The following SUGCT variants were observed in gnomAD, a reference collection of about 807,000 sequenced individuals.
SUGCT encodes succinyl-CoA:glutarate-CoA transferase, also known as succinyl-CoA:glutarate CoA-transferase.
A neutral mutation model predicts 55.0 loss-of-function variants in SUGCT; 41 were observed. That is an observed-to-expected ratio of 0.74 (90% confidence interval 0.58 to 0.97). The LOEUF (loss-of-function observed/expected upper bound fraction) is 0.97. Among genes scored for constraint, SUGCT ranks in the 50% least tolerant of loss-of-function variants. The pLI, the probability that SUGCT is intolerant of heterozygous loss-of-function variation, is 0.00. For missense variants in SUGCT, 568 were observed against 547.8 expected (o/e 1.04, Z -0.37); for synonymous variants, 187 against 200.4 (o/e 0.93, Z 0.56).
At chr7:40,249,344 T>TATATATATATATAAAA (rs1172651937) in intron 7 of SUGCT, among the ~76,000 whole-genome samples, 67 of 128,080 alleles carry the variant, frequency 5.2e-4, no homozygotes, top group African/African-American at 2.0e-3. Flanking sequence ...TATATATATA[T>TATATATATATATAAAA]ATAATTATAT....
At chr7:40,442,266 G>C (rs1245000434) in intron 9 of SUGCT, among the ~76,000 whole-genome samples, 1 of 152,100 alleles carries the variant, frequency 6.6e-6, no homozygotes, top group Non-Finnish European at 1.5e-5. Flanking sequence ...AGCAAGGAGG[G>C]CTCTTGGAAG....
At chr7:40,807,600 C>G (rs1791173275) in intron 13 of SUGCT, among the ~76,000 whole-genome samples, 1 of 152,160 alleles carries the variant, frequency 6.6e-6, no homozygotes, top group Non-Finnish European at 1.5e-5. Context: ...GGCTCAGAAC[C>G]ATGATGAGGC....
chr7:40,948,856 G>C, the SUGCT span, among the ~76,000 whole-genome samples: 1 of 152,098 alleles, frequency 6.6e-6, no homozygotes, highest in Non-Finnish European at 1.5e-5. Flanking sequence ...GTCTGTCATT[G>C]ATGGACATTT....
intron 9 of SUGCT, among the ~76,000 whole-genome samples, chr7:40,417,517 C>T (rs938037997): frequency 2.6e-5 from 4 of 151,704 alleles, no homozygotes; most frequent in African/African-American, 9.7e-5. Context: ...TTTTTGTGAA[C>T]ATTTTATTGT....
At chr7:40,227,465 A>G (rs1234639855) in intron 6 of SUGCT, among the ~76,000 whole-genome samples, 2 of 152,098 alleles carry the variant, frequency 1.3e-5, no homozygotes, top group Non-Finnish European at 2.9e-5. Context: ...CTTGGGTTCA[A>G]GAAATCCCCT....
chr7:40,151,553 C>T (rs143593827), intron 1 of SUGCT: 1 of 215,496 alleles, frequency 4.6e-6, no homozygotes, highest in Non-Finnish European at 1.0e-5. Context: ...GATCTCTCCT[C>T]ATGGCCATCC....
chr7:40,519,349 T>A (rs538396047), intron 12 of SUGCT, among the ~76,000 whole-genome samples: 15 of 152,198 alleles, frequency 9.9e-5, no homozygotes, highest in Admixed American at 2.0e-4. Context: ...TTTGCCAATA[T>A]GAGTTTCTTA....
At chr7:40,751,942 A>G (rs969450720) in intron 13 of SUGCT, among the ~76,000 whole-genome samples, 3 of 152,232 alleles carry the variant, frequency 2.0e-5, no homozygotes, top group Admixed American at 2.0e-4. Flanking sequence ...AAATCTCAGC[A>G]GGAGGGAAGT....
intron 9 of SUGCT, among the ~76,000 whole-genome samples, chr7:40,324,708 T>C (rs1281199354): frequency 6.6e-6 from 1 of 152,206 alleles, no homozygotes. Context: ...CTCTACTGTC[T>C]ATTCTATGAT....
chr7:40,923,563 G>C, the SUGCT span, among the ~76,000 whole-genome samples: 7 of 152,046 alleles, frequency 4.6e-5, no homozygotes, highest in African/African-American at 1.7e-4. Flanking sequence ...AGAATTTCTG[G>C]CTTGAGAATA....
intron 13 of SUGCT, among the ~76,000 whole-genome samples, chr7:40,818,021 A>G (rs2128763866): frequency 6.6e-6 from 1 of 152,356 alleles, no homozygotes; most frequent in African/African-American, 2.4e-5. Context: ...CTATACACTC[A>G]GAAAATGAAG....
At chr7:40,425,244 G>A (rs1354846028) in intron 9 of SUGCT, among the ~76,000 whole-genome samples, 2 of 152,124 alleles carry the variant, frequency 1.3e-5, no homozygotes, top group Middle Eastern at 6.8e-3. Context: ...ATGTCTCTAA[G>A]TGCATGTAAA....
At chr7:40,385,711 G>C (rs1785086069) in intron 9 of SUGCT, among the ~76,000 whole-genome samples, 1 of 53,608 alleles carries the variant, frequency 1.9e-5, no homozygotes, top group South Asian at 1.3e-3. Flanking sequence ...GTGGTACATA[G>C]ATGTGTTTCA....
intron 7 of SUGCT, among the ~76,000 whole-genome samples, chr7:40,264,041 G>A (rs1791395705): frequency 6.6e-6 from 1 of 152,064 alleles, no homozygotes; most frequent in Non-Finnish European, 1.5e-5. Flanking sequence ...TTCTCTTGCT[G>A]GGATTGTTCA....
chr7:40,488,447 AGTT>A (rs1460512423), intron 11 of SUGCT, among the ~76,000 whole-genome samples: 3 of 152,074 alleles, frequency 2.0e-5, no homozygotes, highest in African/African-American at 7.2e-5. Context: ...GAATTATCAT[AGTT>A]GTTATTGTTT....
rs571464906 is a variant in SUGCT, at chr7:40,629,664, A to G, written c.1090-119770A>G. ...ATTTATTTGAGAAGGGGCCAGGGAA[A>G]GTTATTGTTCAGAATTAGTGATGAG... On this transcript the variant is annotated intron_variant, in intron 12 of 13. Coordinates refer to ENST00000335693, the MANE Select transcript of SUGCT (RefSeq NM_001193313.2). 1.1e-4 allele frequency among the ~76,000 whole-genome samples: 16 copies of G among 152,246 alleles called. 1 individual carries two copies. In the South Asian group the frequency reaches 3.3e-3, roughly 32 times the overall value.
At chr7:40,789,604 A>T (rs1461387640) in intron 13 of SUGCT, among the ~76,000 whole-genome samples, 1 of 152,102 alleles carries the variant, frequency 6.6e-6, no homozygotes, top group East Asian at 1.9e-4. Context: ...ATGTCTTTTG[A>T]GATCTTGATT....
At chr7:40,980,727 C>T in the SUGCT span, among the ~76,000 whole-genome samples, 1 of 152,070 alleles carries the variant, frequency 6.6e-6, no homozygotes, top group Non-Finnish European at 1.5e-5. Context: ...TAGATGGAGT[C>T]TCACTGTCAC....
chr7:40,618,583 C>A (rs935702728), intron 12 of SUGCT, among the ~76,000 whole-genome samples: 8 of 152,148 alleles, frequency 5.3e-5, no homozygotes, highest in Non-Finnish European at 1.2e-4. Flanking sequence ...CTTCGAAGAT[C>A]CTTGATGGCA....
Sources: gnomAD v4.1 joint callset for allele counts (sites outside exome capture counted in the v4.1 genomes callset) on GRCh38, gnomAD v4.1.1 for gene constraint, MANE v1.5 for transcripts, NCBI Gene and HGNC (gene_info 2026-07-23, HGNC 2026-07-21) for gene names.